The following PAQR5 variants were observed in gnomAD, a reference collection of about 807,000 sequenced individuals.
PAQR5 encodes the protein membrane progestin receptor gamma.
In PAQR5, 20 loss-of-function variants were observed where a neutral mutation model predicts 34.5. That is an observed-to-expected ratio of 0.58 (90% CI 0.41 to 0.84). The LOEUF (loss-of-function observed/expected upper bound fraction) is 0.84, where lower values mean the gene tolerates loss of function less well. Among genes scored for constraint, PAQR5 ranks in the 40% least tolerant of loss-of-function variants. The pLI is 0.00. For missense variants in PAQR5, 378 were observed against 412.7 expected (o/e 0.92, Z 0.73); for synonymous variants, 131 against 155.6 (o/e 0.84, Z 1.18).
Position 69,389,781 on chromosome 15 carries a change from G to T in PAQR5, c.512+1G>T. The T allele has an allele frequency of 6.2e-7, 1 of 1,613,720 alleles. No homozygotes were observed. The highest frequency in any genetic ancestry group is 8.5e-7 in the Non-Finnish European group (1 of 1,179,722). On this transcript the variant is annotated splice_donor_variant, in intron 6 of 8. Transcript: ENST00000395407. LOFTEE classifies it high-confidence loss of function. Reference sequence around the variant, plus strand: ...GCACAGGCCTCTCCTGCTACTCCAGGTACTGGTCGCTCTGACCTCAGATGG... The same window carrying T: ...GCACAGGCCTCTCCTGCTACTCCAGTTACTGGTCGCTCTGACCTCAGATGG...
chr15:69,311,681 C>G (rs2053837511), intron 1 of PAQR5, among the ~76,000 whole-genome samples: 1 of 152,170 alleles, frequency 6.6e-6, no homozygotes. Context: ...GCTCAACCTG[C>G]CCTGCTGTGC....
Position 69,360,123 on chromosome 15 carries a change from A to ATC in PAQR5, c.44_45insCT (p.Pro16TyrfsTer31). The ATC allele has an allele frequency of 1.2e-6, 2 of 1,613,006 alleles. No homozygotes were observed. The highest frequency in any genetic ancestry group is 1.7e-4 in the Middle Eastern group (1 of 6,058). ...CCCCAGGCTGTTTAGCATAGACCAG[A>ATC]TACCCCAGGTATGTGCTCTATTGAT... On this transcript the variant is annotated frameshift_variant, in exon 3 of 9. Transcript: ENST00000395407. LOFTEE classifies it high-confidence loss of function.
At position 69,384,797 on chromosome 15, in the gene PAQR5, T is replaced by G. The variant is rs773960219; in HGVS notation, c.300T>G (p.Cys100Trp). 11 of 1,614,048 alleles carry G rather than the reference T, an allele frequency of 6.8e-6. No individual in the cohort carries two copies. In the African/African-American group the frequency reaches 1.2e-4, roughly 18 times the overall value. The change falls in exon 5 of 9, where the codon TGT becomes TGG. Residue 100 changes from cysteine (C) to tryptophan (W), a missense_variant. By Grantham distance (215) the Cys-to-Trp change is radical (BLOSUM62 -2). Transcript: ENST00000395407. ...TSCVYPLVSS[C>W]AHTFSSMSKN... Reference sequence around the variant, plus strand: ...GCGTGTACCCACTTGTGTCCAGCTGTGCGCACACCTTCAGCTCTATGTCCA... The same window carrying G: ...GCGTGTACCCACTTGTGTCCAGCTGGGCGCACACCTTCAGCTCTATGTCCA...
intron 1 of PAQR5, among the ~76,000 whole-genome samples, chr15:69,303,979 G>C (rs2053660451): frequency 6.6e-6 from 1 of 152,200 alleles, no homozygotes; most frequent in Non-Finnish European, 1.5e-5. Context: ...CTTGGAGCTG[G>C]GGGAAGGACT....
At chr15:69,378,025 G>T (rs928086782) in intron 3 of PAQR5, among the ~76,000 whole-genome samples, 1 of 152,022 alleles carries the variant, frequency 6.6e-6, no homozygotes, top group Non-Finnish European at 1.5e-5. Context: ...CACTTTGGGA[G>T]CCCGAGGTGG....
At chr15:69,402,562 C>G (rs967993267) in intron 8 of PAQR5, among the ~76,000 whole-genome samples, 1 of 151,776 alleles carries the variant, frequency 6.6e-6, no homozygotes, top group Non-Finnish European at 1.5e-5. Context: ...GTGATCCACC[C>G]GCCTCAGCCT....
chr15:69,366,881 T>C (rs2055417232), intron 3 of PAQR5, among the ~76,000 whole-genome samples: 1 of 152,196 alleles, frequency 6.6e-6, no homozygotes, highest in African/African-American at 2.4e-5. Flanking sequence ...TCCAAGTTTA[T>C]AATTGTCCTA....
chr15:69,362,536 C>T (rs1270068244), intron 3 of PAQR5, among the ~76,000 whole-genome samples: 1 of 152,104 alleles, frequency 6.6e-6, no homozygotes. Flanking sequence ...TAAAGCTTAC[C>T]TTTGGTGGGA....
intron 5 of PAQR5, among the ~76,000 whole-genome samples, chr15:69,388,111 C>T (rs970803469): frequency 1.1e-4 from 16 of 152,256 alleles, no homozygotes; most frequent in African/African-American, 2.2e-4. Context: ...CTGGGACTCC[C>T]GGCTCCACCC....
At chr15:69,383,767 A>G (rs1595921416) in intron 4 of PAQR5, among the ~76,000 whole-genome samples, 1 of 91,188 alleles carries the variant, frequency 1.1e-5, no homozygotes, top group African/African-American at 4.7e-5. Flanking sequence ...CTCTGTGCTC[A>G]TGGTGGAGGG....
At chr15:69,302,203 G>T (rs529680289) in intron 1 of PAQR5, among the ~76,000 whole-genome samples, 40 of 152,196 alleles carry the variant, frequency 2.6e-4, no homozygotes, top group African/African-American at 9.4e-4. Flanking sequence ...CTCCTTAGTA[G>T]CTGGGACTAT....
intron 1 of PAQR5, among the ~76,000 whole-genome samples, chr15:69,304,532 GA>G (rs2053673009): frequency 6.6e-6 from 1 of 152,020 alleles, no homozygotes; most frequent in African/African-American, 2.4e-5. Flanking sequence ...TGGCATCTAG[GA>G]AAAAAGATAG....
chr15:69,380,936 G>A (rs377460940), intron 4 of PAQR5, among the ~76,000 whole-genome samples: 9 of 152,282 alleles, frequency 5.9e-5, no homozygotes, highest in African/African-American at 1.7e-4. Context: ...CAGGCTCCCC[G>A]CACAGGGGCA....
intron 1 of PAQR5, among the ~76,000 whole-genome samples, chr15:69,312,312 CCTT>C (rs2053850599): frequency 1.3e-5 from 2 of 152,000 alleles, no homozygotes; most frequent in Non-Finnish European, 2.9e-5. Context: ...TGTGGTAACT[CCTT>C]CTGGGGGCTC....
chr15:69,342,751 G>A (rs564641159), intron 2 of PAQR5, among the ~76,000 whole-genome samples: 1 of 152,302 alleles, frequency 6.6e-6, no homozygotes, highest in South Asian at 2.1e-4. Flanking sequence ...TTAGACAGGA[G>A]CCCCAGGGGA....
At chr15:69,328,321 T>C (rs2054300122) in intron 1 of PAQR5, among the ~76,000 whole-genome samples, 1 of 152,256 alleles carries the variant, frequency 6.6e-6, no homozygotes, top group African/African-American at 2.4e-5. Flanking sequence ...CTGAGAAGGC[T>C]AAGACCAAGG....
intron 3 of PAQR5, among the ~76,000 whole-genome samples, chr15:69,370,370 T>G (rs570315572): frequency 1.3e-5 from 2 of 152,320 alleles, no homozygotes; most frequent in South Asian, 4.1e-4. Context: ...GACCTGCCCT[T>G]AACAGATGCT....
chr15:69,342,658 G>T (rs2054672307), intron 2 of PAQR5, among the ~76,000 whole-genome samples: 1 of 152,102 alleles, frequency 6.6e-6, no homozygotes, highest in Admixed American at 6.5e-5. Context: ...GACTGCTGGG[G>T]CCTTCTGGCA....
intron 1 of PAQR5, among the ~76,000 whole-genome samples, chr15:69,310,804 C>T (rs2053812522): frequency 6.6e-6 from 1 of 151,676 alleles, no homozygotes; most frequent in Non-Finnish European, 1.5e-5. Context: ...TTTGGGAGGC[C>T]AAGGCGGGTG....
Sources: gnomAD v4.1 joint callset for allele counts (sites outside exome capture counted in the v4.1 genomes callset) on GRCh38, gnomAD v4.1.1 for gene constraint, MANE v1.5 for transcripts, NCBI Gene and HGNC (gene_info 2026-07-23, HGNC 2026-07-21) for gene names.